Variants in DIAPH3 observed in about 807,000 individuals in gnomAD.
The protein encoded by DIAPH3 is protein diaphanous homolog 3.
In DIAPH3, 117 loss-of-function variants were observed where a neutral mutation model predicts 144.3. The ratio of observed to expected loss-of-function variants is 0.81; its 90% CI spans 0.70 to 0.95. DIAPH3 has a LOEUF of 0.95. DIAPH3 is among the 40% of genes least tolerant of loss of function. DIAPH3 has a pLI of 0.00. For missense variants in DIAPH3, 1,421 were observed against 1,412.7 expected, an observed-to-expected ratio of 1.01 and a Z score of -0.09; for synonymous variants, 519 against 488.9, an observed-to-expected ratio of 1.06 and a Z score of -0.81.
intron 27 of DIAPH3, among the ~76,000 whole-genome samples, chr13:59,693,611 C>T (rs1314706674): frequency 6.6e-6 from 1 of 151,904 alleles, no homozygotes; most frequent in African/African-American, 2.4e-5. Context: ...AGCGTATTTC[C>T]CAATCTTAGA....
chr13:59,737,171 C>G (rs759419070), intron 27 of DIAPH3, among the ~76,000 whole-genome samples: 8 of 152,146 alleles, frequency 5.3e-5, no homozygotes, highest in Non-Finnish European at 1.0e-4. Flanking sequence ...AACTAAAGAG[C>G]TTCTGCACAG....
chr13:59,862,544 G>A (rs948430372), intron 21 of DIAPH3, among the ~76,000 whole-genome samples: 2 of 152,140 alleles, frequency 1.3e-5, no homozygotes, highest in African/African-American at 4.8e-5. Context: ...TGGAAACCCA[G>A]GTGATGCTGT....
intron 18 of DIAPH3, among the ~76,000 whole-genome samples, chr13:59,923,938 G>A (rs1419143995): frequency 6.6e-6 from 1 of 152,118 alleles, no homozygotes; most frequent in African/African-American, 2.4e-5. Context: ...TCAGTAGCAT[G>A]GATCTTTATC....
chr13:59,888,088 T>C (rs1030908460), intron 20 of DIAPH3, among the ~76,000 whole-genome samples: 10 of 152,248 alleles, frequency 6.6e-5, no homozygotes, highest in African/African-American at 2.2e-4. Flanking sequence ...CCCACTGCTA[T>C]GTTTGAGTGT....
chr13:59,826,535 TACAA>T lies in DIAPH3; in HGVS notation c.3027+6568_3027+6571del, dbSNP rs1295714977. Among the ~76,000 whole-genome samples the T allele has an allele frequency of 2.7e-3, 403 of 148,638 alleles. 1 individual carries two copies. The highest frequency in any genetic ancestry group is 9.4e-3 in the African/African-American group (383 of 40,716). On this transcript the variant is annotated intron_variant, in intron 24 of 27. Coordinates refer to ENST00000400324, the MANE Select transcript of DIAPH3 (RefSeq NM_001042517.2). Reference sequence around the variant, plus strand: ...CACTGCTCAAGGAAATAAAAGAGGATACAAACAAATGGAAGAACATTCCATGCTC... The same window carrying T: ...CACTGCTCAAGGAAATAAAAGAGGATACAAATGGAAGAACATTCCATGCTC...
intron 24 of DIAPH3, among the ~76,000 whole-genome samples, chr13:59,823,491 G>T (rs1416366015): frequency 6.6e-6 from 1 of 152,156 alleles, no homozygotes; most frequent in Non-Finnish European, 1.5e-5. Context: ...TAAGTCTTAT[G>T]TGAAAAGACT....
intron 3 of DIAPH3, among the ~76,000 whole-genome samples, chr13:60,098,974 G>A (rs772042454): frequency 8.5e-5 from 13 of 152,066 alleles, no homozygotes; most frequent in Non-Finnish European, 1.6e-4. Context: ...CCCTTTAAAT[G>A]GAAAAATCTT....
At chr13:59,772,165 G>A (rs1248302608) in intron 27 of DIAPH3, among the ~76,000 whole-genome samples, 1 of 151,936 alleles carries the variant, frequency 6.6e-6, no homozygotes, top group Admixed American at 6.6e-5. Flanking sequence ...GATTTCCAAT[G>A]AACTCCAAAA....
intron 17 of DIAPH3, among the ~76,000 whole-genome samples, chr13:59,936,261 G>A (rs952855918): frequency 6.6e-6 from 1 of 151,994 alleles, no homozygotes; most frequent in Non-Finnish European, 1.5e-5. Context: ...AATCCTATAT[G>A]AAATTAAAAA....
intron 27 of DIAPH3, among the ~76,000 whole-genome samples, chr13:59,738,959 CT>C (rs968354054): frequency 2.0e-5 from 3 of 152,096 alleles, no homozygotes; most frequent in African/African-American, 4.8e-5. Flanking sequence ...GCTTTGCTTC[CT>C]TTTTTTCCCC....
intron 25 of DIAPH3, among the ~76,000 whole-genome samples, chr13:59,778,547 A>G (rs1410275188): frequency 6.6e-6 from 1 of 152,270 alleles, no homozygotes. Flanking sequence ...ATAGATGGAC[A>G]GGGGTCCAGG....
intron 4 of DIAPH3, among the ~76,000 whole-genome samples, chr13:60,085,482 G>A (rs2057717028): frequency 2.0e-5 from 3 of 152,046 alleles, no homozygotes; most frequent in Admixed American, 2.0e-4. Flanking sequence ...ATCACCAGGA[G>A]GGCTTTACTC....
At chr13:60,132,431 C>A (rs909328606) in intron 2 of DIAPH3, among the ~76,000 whole-genome samples, 2 of 152,044 alleles carry the variant, frequency 1.3e-5, no homozygotes, top group Non-Finnish European at 2.9e-5. Context: ...AAATATATTT[C>A]TCAGAAAAAC....
Position 59,924,800 on chromosome 13 carries a change from T to G in DIAPH3, c.2145A>C (p.Leu715Phe), listed in dbSNP as rs2140303104. 6.2e-7 allele frequency: 1 copy of G among 1,602,348 alleles called. No individual in the cohort carries two copies. The highest frequency in any genetic ancestry group is 8.5e-7 in the Non-Finnish European group (1 of 1,171,896). Residue 715 changes from leucine to phenylalanine, a missense_variant, in exon 18 of 28, where the codon TTA becomes TTC. By Grantham distance (22) the Leu-to-Phe change is conservative. Coordinates refer to ENST00000400324, the MANE Select transcript of DIAPH3 (RefSeq NM_001042517.2). Reference protein sequence around the residue: ...IKKKIKELKFLDSKIAQNLSI... With the variant: ...IKKKIKELKFFDSKIAQNLSI... ...AAAGGTTCTGGGCAATTTTAGAATC[T>G]AAAAACTTAAGTTCTTTAATTTTTT...
At chr13:59,722,353 G>A (rs1454217601) in intron 27 of DIAPH3, among the ~76,000 whole-genome samples, 1 of 152,138 alleles carries the variant, frequency 6.6e-6, no homozygotes, top group African/African-American at 2.4e-5. Context: ...GGTTATGGTG[G>A]ACTGACATTC....
At chr13:60,030,177 T>TTTTA (rs2054685438) in intron 5 of DIAPH3, among the ~76,000 whole-genome samples, 1 of 152,188 alleles carries the variant, frequency 6.6e-6, no homozygotes, top group African/African-American at 2.4e-5. Flanking sequence ...TACCTTTTTG[T>TTTTA]TTTATTTATT....
At chr13:60,030,235 C>G (rs1332925717) in intron 5 of DIAPH3, among the ~76,000 whole-genome samples, 2 of 152,098 alleles carry the variant, frequency 1.3e-5, no homozygotes, top group African/African-American at 2.4e-5. Flanking sequence ...TACTGTGGTA[C>G]CTAGCATAGC....
chr13:59,833,690 C>G (rs1456438279), intron 23 of DIAPH3, among the ~76,000 whole-genome samples: 3 of 151,706 alleles, frequency 2.0e-5, no homozygotes, highest in African/African-American at 7.2e-5. Flanking sequence ...GGATCAATTT[C>G]TAGCTCCTAT....
chr13:59,916,074 A>T, intron 19 of DIAPH3, 81 bp downstream of exon 19: 1 of 1,219,444 alleles, frequency 8.2e-7, no homozygotes, highest in Admixed American at 1.7e-5. Flanking sequence ...TGGGTGAAGA[A>T]TTTTGCTTCA....
Sources: allele counts gnomAD v4.1 joint callset (sites outside exome capture counted in the v4.1 genomes callset), GRCh38; gene constraint gnomAD v4.1.1; transcripts MANE v1.5; gene names NCBI Gene and HGNC (gene_info 2026-07-23, HGNC 2026-07-21).